ENOX1: variants seen among roughly 807,000 people sequenced by gnomAD.
ENOX1 encodes candidate growth-related and time keeping constitutive hydroquinone (NADH) oxidase.
In ENOX1, 42 loss-of-function variants were observed where a neutral mutation model predicts 82.5. The observed-to-expected ratio is 0.51, with a 90% CI of 0.40 to 0.66. The LOEUF (loss-of-function observed/expected upper bound fraction) is 0.66. ENOX1 is among the 30% of genes least tolerant of loss of function. The probability of loss-of-function intolerance (pLI) is 0.00; values close to 1 mark genes in which losing one functional copy is unlikely to be tolerated. For synonymous variants in ENOX1, 271 were observed against 282.2 expected (o/e 0.96, Z 0.40); for missense variants, 608 against 811.6 (o/e 0.75, Z 3.05).
intron 8 of ENOX1, among the ~76,000 whole-genome samples, chr13:43,354,259 C>A (rs554423066): frequency 2.0e-5 from 3 of 152,348 alleles, no homozygotes; most frequent in South Asian, 4.1e-4. Flanking sequence ...ATCTGCACTG[C>A]ATATGCCCTT....
intron 3 of ENOX1, among the ~76,000 whole-genome samples, chr13:43,459,855 G>T (rs1467545783): frequency 6.6e-6 from 1 of 152,160 alleles, no homozygotes; most frequent in Admixed American, 6.5e-5. Flanking sequence ...TTAGCTGGGT[G>T]TGGTGGCACG....
intron 1 of ENOX1, among the ~76,000 whole-genome samples, chr13:43,749,171 T>C (rs1290760175): frequency 6.6e-6 from 1 of 152,222 alleles, no homozygotes; most frequent in Admixed American, 6.5e-5. Flanking sequence ...TCTTCCTCTT[T>C]AATCTGAATT....
At chr13:43,353,551 A>G (rs2049948853) in intron 8 of ENOX1, among the ~76,000 whole-genome samples, 1 of 152,252 alleles carries the variant, frequency 6.6e-6, no homozygotes, top group African/African-American at 2.4e-5. Context: ...CTTCAGGGAA[A>G]CAGTGTCCTC....
At chr13:43,497,231 T>C (rs919245145) in intron 2 of ENOX1, among the ~76,000 whole-genome samples, 2 of 152,166 alleles carry the variant, frequency 1.3e-5, no homozygotes, top group Non-Finnish European at 2.9e-5. Flanking sequence ...ATATTTTTAT[T>C]ATTCTTTTCC....
At chr13:43,419,760 C>A (rs1594486186) in intron 3 of ENOX1, among the ~76,000 whole-genome samples, 1 of 152,188 alleles carries the variant, frequency 6.6e-6, no homozygotes, top group African/African-American at 2.4e-5. Flanking sequence ...TCACTTGAGG[C>A]CAGGATTTGA....
At chr13:43,551,685 A>T (rs927091071) in intron 2 of ENOX1, among the ~76,000 whole-genome samples, 5 of 152,126 alleles carry the variant, frequency 3.3e-5, no homozygotes, top group Non-Finnish European at 7.3e-5. Context: ...ATCAATTTAA[A>T]TTTCACCCGA....
intron 2 of ENOX1, among the ~76,000 whole-genome samples, chr13:43,582,403 T>C (rs887411135): frequency 6.6e-6 from 1 of 152,024 alleles, no homozygotes; most frequent in African/African-American, 2.4e-5. Flanking sequence ...GTAATAAATA[T>C]ACAGAAATAT....
intron 14 of ENOX1, among the ~76,000 whole-genome samples, chr13:43,239,444 C>G (rs2042709368): frequency 6.6e-6 from 1 of 152,188 alleles, no homozygotes; most frequent in Admixed American, 6.5e-5. Flanking sequence ...TGAAGCTGAT[C>G]AGGCAGGCTC....
At chr13:43,664,732 A>C (rs2084896798) in intron 2 of ENOX1, among the ~76,000 whole-genome samples, 1 of 152,224 alleles carries the variant, frequency 6.6e-6, no homozygotes, top group African/African-American at 2.4e-5. Context: ...AAAGTAAGCA[A>C]TGGAGACACA....
chr13:43,507,608 C>T (rs935750878), intron 2 of ENOX1, among the ~76,000 whole-genome samples: 3 of 151,962 alleles, frequency 2.0e-5, no homozygotes, highest in African/African-American at 4.8e-5. Flanking sequence ...GTATTTACTT[C>T]CCACATGTCC....
intron 3 of ENOX1, among the ~76,000 whole-genome samples, chr13:43,476,716 A>G (rs1218456346): frequency 6.6e-6 from 1 of 152,204 alleles, no homozygotes; most frequent in African/African-American, 2.4e-5. Context: ...GGAAAAATCA[A>G]TAGAAAAGGA....
chr13:43,674,417 T>C (rs1191301283), intron 1 of ENOX1, among the ~76,000 whole-genome samples: 2 of 152,242 alleles, frequency 1.3e-5, no homozygotes, highest in East Asian at 1.9e-4. Context: ...AGCAAAATCC[T>C]CAAGGTCATA....
chr13:43,323,571 T>G (rs2047934798), intron 10 of ENOX1, among the ~76,000 whole-genome samples: 1 of 152,232 alleles, frequency 6.6e-6, no homozygotes. Context: ...AAGCTGTATA[T>G]TACATATTTG....
chr13:43,329,289 A>G (rs1249473353), intron 9 of ENOX1, among the ~76,000 whole-genome samples: 1 of 152,154 alleles, frequency 6.6e-6, no homozygotes, highest in Non-Finnish European at 1.5e-5. Context: ...ATTACAAAGG[A>G]ATGAATTAAG....
rs116115092 is a variant in ENOX1 at position 43,269,494 on chromosome 13, C to T, written c.1530G>A (p.Ala510=). 3,775 of 1,613,742 alleles carry T rather than the reference C, an allele frequency of 2.3e-3. 66 individuals carry two copies. In the African/African-American group the frequency reaches 0.04, roughly 17 times the overall value. Reference sequence around the variant, plus strand: ...CTTGTTCCTGCAGGACTTTTAGTAACGCTTGTGTATGGGACTGCTCTTCCT... The same window carrying T: ...CTTGTTCCTGCAGGACTTTTAGTAATGCTTGTGTATGGGACTGCTCTTCCT... ...QAKEEQSHTQ[A]LLKVLQEQLK... The change falls in exon 13 of 17, where the codon GCG becomes GCA. Residue 510 remains alanine, a synonymous_variant. Transcript: ENST00000690772.
chr13:43,271,801 A>C (rs145399275), intron 12 of ENOX1, among the ~76,000 whole-genome samples: 109 of 152,104 alleles, frequency 7.2e-4, no homozygotes, highest in African/African-American at 2.5e-3. Context: ...CTTCCCTCTC[A>C]TCAGTGCTTC....
chr13:43,247,883 A>ATTTTTTTTTTTTT (rs869265102), intron 14 of ENOX1, among the ~76,000 whole-genome samples: 2 of 14,646 alleles, frequency 1.4e-4, no homozygotes, highest in African/African-American at 2.8e-4. Context: ...ATATATATAT[A>ATTTTTTTTTTTTT]TTTTTTTTTT....
intron 1 of ENOX1, among the ~76,000 whole-genome samples, chr13:43,761,544 C>T (rs1046193837): frequency 2.0e-5 from 3 of 152,228 alleles, no homozygotes; most frequent in Non-Finnish European, 4.4e-5. Context: ...CAACTCCCTG[C>T]CCACTATCTC....
At chr13:43,447,222 A>T (rs1248076748) in intron 3 of ENOX1, among the ~76,000 whole-genome samples, 1 of 152,240 alleles carries the variant, frequency 6.6e-6, no homozygotes, top group Admixed American at 6.5e-5. Flanking sequence ...ATTCGTGTGT[A>T]TATCCCAAGG....
Sources: gnomAD v4.1 joint callset for allele counts (sites outside exome capture counted in the v4.1 genomes callset) on GRCh38, gnomAD v4.1.1 for gene constraint, MANE v1.5 for transcripts, NCBI Gene and HGNC (gene_info 2026-07-23, HGNC 2026-07-21) for gene names.